Variants in TMPRSS15 observed in about 807,000 individuals in gnomAD.
TMPRSS15 encodes the protein enteropeptidase.
TMPRSS15 carries 128 observed loss-of-function variants against 125.3 expected under a neutral mutation model. That is an observed-to-expected ratio of 1.02 (90% CI 0.89 to 1.18). The LOEUF (loss-of-function observed/expected upper bound fraction) is 1.18, where lower values mean the gene tolerates loss of function less well. Among genes scored for constraint, TMPRSS15 ranks in the 50% most tolerant of loss-of-function variants. The pLI, the probability that TMPRSS15 is intolerant of heterozygous loss-of-function variation, is 0.00. For synonymous variants in TMPRSS15, 446 were observed against 423.2 expected (o/e 1.05, Z -0.66); for missense variants, 1,283 against 1,212.7 (o/e 1.06, Z -0.86).
rs1048835202 is a variant in TMPRSS15 at position 18,453,943 on chromosome 21, G to C, written c.10+31856C>G. 2.6e-5 allele frequency among the ~76,000 whole-genome samples: 4 copies of C among 152,308 alleles called. No individual in the cohort carries two copies. In the South Asian group the frequency reaches 8.3e-4, roughly 32 times the overall value. ...TTCCACCTGTATGAAGTATCTGTAAGAGTTAAACTCATGGGAGCAAAGCAT... is the reference window on the plus strand; with the variant it reads ...TTCCACCTGTATGAAGTATCTGTAACAGTTAAACTCATGGGAGCAAAGCAT... On this transcript the variant is annotated intron_variant, in intron 1 of 7. Coordinates refer to the TMPRSS15 transcript ENST00000422787.
intron 1 of TMPRSS15, among the ~76,000 whole-genome samples, chr21:18,454,289 C>G (rs756809761): frequency 6.6e-6 from 1 of 152,036 alleles, no homozygotes; most frequent in African/African-American, 2.4e-5. Flanking sequence ...TACACTGATG[C>G]GATGTTTCCT....
intron 21 of TMPRSS15, among the ~76,000 whole-genome samples, chr21:18,285,894 T>C (rs1355468833): frequency 2.0e-5 from 3 of 152,226 alleles, no homozygotes; most frequent in Non-Finnish European, 4.4e-5. Context: ...TGTTTAATTT[T>C]TCTTCCTTTT....
At chr21:18,305,749 C>A (rs575221761) in intron 18 of TMPRSS15, among the ~76,000 whole-genome samples, 1 of 152,232 alleles carries the variant, frequency 6.6e-6, no homozygotes, top group African/African-American at 2.4e-5. Context: ...CCCCACCCTG[C>A]TAGATATTAA....
At chr21:18,321,330 A>C (rs899188666) in intron 16 of TMPRSS15, among the ~76,000 whole-genome samples, 6 of 151,348 alleles carry the variant, frequency 4.0e-5, no homozygotes, top group African/African-American at 1.5e-4. Flanking sequence ...CAAGTGAAGC[A>C]AAAACGATTT....
chr21:18,344,090 A>G (rs1413424483), intron 10 of TMPRSS15, 30 bp from the exon 11 acceptor site: 1 of 1,557,600 alleles, frequency 6.4e-7, no homozygotes, highest in East Asian at 2.2e-5. Flanking sequence ...AATTTATTTC[A>G]CTTAAATATT....
intron 21 of TMPRSS15, among the ~76,000 whole-genome samples, chr21:18,282,306 C>T (rs1329372978): frequency 6.6e-6 from 1 of 151,968 alleles, no homozygotes; most frequent in African/African-American, 2.4e-5. Flanking sequence ...GTGCTATTGG[C>T]CTGCGATTTC....
chr21:18,473,769 T>A (rs1251752240), intron 1 of TMPRSS15, among the ~76,000 whole-genome samples: 1 of 152,138 alleles, frequency 6.6e-6, no homozygotes, highest in Non-Finnish European at 1.5e-5. Context: ...CTTTTTTATG[T>A]TTTTGCCTGC....
At chr21:18,430,851 G>A (rs1386374378) in intron 1 of TMPRSS15, among the ~76,000 whole-genome samples, 2 of 152,154 alleles carry the variant, frequency 1.3e-5, no homozygotes, top group Non-Finnish European at 2.9e-5. Flanking sequence ...AATGTATGCA[G>A]CTAGATTATT....
chr21:18,311,790 A>T (rs1157115019), intron 18 of TMPRSS15, among the ~76,000 whole-genome samples: 1 of 152,168 alleles, frequency 6.6e-6, no homozygotes, highest in African/African-American at 2.4e-5. Context: ...CTGCCCTCCC[A>T]TGTTTATTGC....
At chr21:18,347,221 C>T (rs1043911446) in intron 10 of TMPRSS15, among the ~76,000 whole-genome samples, 3 of 151,766 alleles carry the variant, frequency 2.0e-5, no homozygotes, top group African/African-American at 7.3e-5. Flanking sequence ...TGATGTCATT[C>T]GGCATATTCT....
chr21:18,316,590 G>T (rs2146944030), intron 16 of TMPRSS15, among the ~76,000 whole-genome samples: 2 of 152,326 alleles, frequency 1.3e-5, no homozygotes, highest in East Asian at 3.9e-4. Context: ...GGAGGCATGG[G>T]CATGTGCTTG....
chr21:18,281,036 T>C lies in TMPRSS15; in HGVS notation c.2668+4A>G. 1 of 1,613,488 alleles carries C rather than the reference T, an allele frequency of 6.2e-7. No individual in the cohort carries two copies. The highest frequency in any genetic ancestry group is 1.3e-5 in the African/African-American group (1 of 75,040). On this transcript the variant is annotated splice_donor_region_variant and intron_variant, in intron 22 of 24. Coordinates refer to ENST00000284885, the MANE Select transcript of TMPRSS15 (RefSeq NM_002772.3). ...GATGACTAAGAGTGATTTTTTTTTT[T>C]TACCTGTGTAATTCACTTTAAATTC...
chr21:18,279,155 T>C (rs1464174132), intron 22 of TMPRSS15, 96 bp from the exon 23 acceptor site: 1 of 718,830 alleles, frequency 1.4e-6, no homozygotes, highest in African/African-American at 1.8e-5. Flanking sequence ...CAATAACAGT[T>C]AATCTAAAAA....
chr21:18,349,721 T>C (rs930623619), intron 10 of TMPRSS15, among the ~76,000 whole-genome samples: 1 of 152,086 alleles, frequency 6.6e-6, no homozygotes, highest in Non-Finnish European at 1.5e-5. Flanking sequence ...TTATATGACT[T>C]GTCTAATTTT....
intron 1 of TMPRSS15, among the ~76,000 whole-genome samples, chr21:18,402,084 G>A (rs1039572332): frequency 4.6e-5 from 7 of 151,864 alleles, no homozygotes; most frequent in Non-Finnish European, 7.4e-5. Context: ...AATATAGCCC[G>A]TGTGTATGTC....
chr21:18,483,392 T>C (rs1375024703), intron 1 of TMPRSS15, among the ~76,000 whole-genome samples: 1 of 151,858 alleles, frequency 6.6e-6, no homozygotes, highest in East Asian at 1.9e-4. Flanking sequence ...CAACTGCTTG[T>C]GATTCAGCCC....
At chr21:18,404,677 T>C (rs2076134182), upstream of TMPRSS15, among the ~76,000 whole-genome samples, 1 of 151,966 alleles carries the variant, frequency 6.6e-6, no homozygotes, top group South Asian at 2.1e-4. Flanking sequence ...TTCTGGTAAA[T>C]AAAACTGGCA....
intron 16 of TMPRSS15, among the ~76,000 whole-genome samples, chr21:18,324,845 T>A (rs1035882000): frequency 1.3e-5 from 2 of 152,144 alleles, no homozygotes; most frequent in Admixed American, 6.6e-5. Flanking sequence ...TTTAAAAGTG[T>A]AACTCAAATG....
At chr21:18,344,573 C>G (rs186831047) in intron 10 of TMPRSS15, among the ~76,000 whole-genome samples, 1 of 152,282 alleles carries the variant, frequency 6.6e-6, no homozygotes, top group African/African-American at 2.4e-5. Flanking sequence ...ACAGTCTTAT[C>G]TTTCTTTATT....
Sources: allele counts gnomAD v4.1 joint callset (sites outside exome capture counted in the v4.1 genomes callset), GRCh38; gene constraint gnomAD v4.1.1; transcripts MANE v1.5; gene names NCBI Gene and HGNC (gene_info 2026-07-23, HGNC 2026-07-21).